Variants in CLK1 observed in about 807,000 individuals in gnomAD.
The protein encoded by CLK1 is CDC like kinase 1, also known as dual specificity protein kinase CLK1.
Under a neutral mutation model 60.9 loss-of-function variants are expected in CLK1, and 40 were observed. The ratio of observed to expected loss-of-function variants is 0.66; its 90% confidence interval spans 0.51 to 0.86. The LOEUF (loss-of-function observed/expected upper bound fraction) is 0.86. CLK1 is among the 40% of genes least tolerant of loss of function. The probability of loss-of-function intolerance (pLI) is 0.00; values close to 1 mark genes in which losing one functional copy is unlikely to be tolerated. For missense variants in CLK1, 563 were observed against 606.1 expected (o/e 0.93, Z 0.75); for synonymous variants, 203 against 184.4 (o/e 1.10, Z -0.82).
intron 12 of CLK1, among the ~76,000 whole-genome samples, chr2:200,853,684 A>G (rs1413737222): frequency 2.4e-5 from 3 of 127,458 alleles, no homozygotes; most frequent in Admixed American, 7.6e-5. Flanking sequence ...TACTTGAAAA[A>G]AAAAAAAAAA....
chr2:200,862,336 T>C (rs1020509123), intron 1 of CLK1, among the ~76,000 whole-genome samples: 4 of 152,158 alleles, frequency 2.6e-5, no homozygotes, highest in South Asian at 2.1e-4. Context: ...CTGATGACAT[T>C]CCACCATTGT....
At chr2:200,858,704 A>C (rs1471267147) in intron 5 of CLK1, among the ~76,000 whole-genome samples, 1 of 151,908 alleles carries the variant, frequency 6.6e-6, no homozygotes, top group Non-Finnish European at 1.5e-5. Flanking sequence ...CTCAGGGAAA[A>C]GAAAAATAAA....
rs1049516732 is a variant in CLK1 at position 200,864,604 on chromosome 2, G to C, written c.-41C>G. The C allele has an allele frequency of 2.1e-5, 4 of 194,960 alleles. No homozygotes were observed. Among genetic ancestry groups the C allele is most frequent in the African/African-American group, 4.7e-5 (2 of 43,010 alleles). 12.1% of individuals were successfully genotyped at this position (194,960 alleles called of 1,614,324 possible). On this transcript the variant is annotated 5_prime_UTR_variant, in exon 1 of 13. Coordinates refer to ENST00000321356, the MANE Select transcript of CLK1 (RefSeq NM_004071.4). ...CTCCAAGTCGAAGGAGACAAAGCTT[G>C]TAACGCAATCACGGGAATCACGCAG...
rs1009416076 is a variant in CLK1 at position 200,861,268 on chromosome 2, G to C, written c.360C>G (p.His120Gln). 1.2e-6 allele frequency: 2 copies of C among 1,614,130 alleles called. No individual in the cohort carries two copies. Among genetic ancestry groups the C allele is most frequent in the Admixed American group, 1.7e-5 (1 of 60,012 alleles). The change falls in exon 3 of 13, where the codon CAC becomes CAG. Residue 120 changes from histidine to glutamine, a missense_variant. Physicochemically the swap from His to Gln is conservative, Grantham distance 24. Transcript: ENST00000321356. ...RSSYKSKHRIHHSTSHRRSHG... is the reference protein window; with the variant it reads ...RSSYKSKHRIQHSTSHRRSHG... ...GTGAACGACGATGTGAAGTACTGTGGTGAATCCTGTGTTTGCTTTTATAAC... is the reference window on the plus strand; with the variant it reads ...GTGAACGACGATGTGAAGTACTGTGCTGAATCCTGTGTTTGCTTTTATAAC...
At chr2:200,858,800 G>A (rs2039085620) in intron 5 of CLK1, among the ~76,000 whole-genome samples, 2 of 141,756 alleles carry the variant, frequency 1.4e-5, no homozygotes, top group African/African-American at 5.4e-5. Flanking sequence ...GGAAGAGGAA[G>A]AACAATAACA....
Position 200,864,467 on chromosome 2 carries a change from C to T in CLK1, c.-1+97G>A, listed in dbSNP as rs1293842801. The T allele has an allele frequency of 8.1e-6, 4 of 496,276 alleles. 1 individual carries two copies. Among genetic ancestry groups the T allele is most frequent in the Non-Finnish European group, 3.4e-6 (1 of 290,520 alleles). 30.7% of individuals were successfully genotyped at this position (496,276 alleles called of 1,614,324 possible). ...CAGGCAGTCGTCGCGCCGGGGACGG[C>T]GGGCAGCAAACAAGCAGGAAAAGGG... On this transcript the variant is annotated intron_variant, in intron 1 of 12. Transcript: ENST00000321356.
At chr2:200,859,773 A>G (rs1018309982) in intron 4 of CLK1, 27 bp from the exon 5 acceptor site, 3 of 1,610,574 alleles carry the variant, frequency 1.9e-6, no homozygotes, top group Non-Finnish European at 1.7e-6. Flanking sequence ...AATCTCAGTC[A>G]TATCAAGAAG....
In CLK1 at chr2:200,856,704, A is replaced by G. The variant is rs1385795820; in HGVS notation, c.1035T>C (p.Tyr345=). Residue 345 remains tyrosine, a synonymous_variant, in exon 9 of 13, where the codon TAT becomes TAC. Transcript: ENST00000321356. ...CACCTAAAATAACTTCAGGTGCTCT[A>G]TAATGTCTTGTAGATACCAATGTAC... is the stretch of plus-strand genomic sequence containing the variant. ...HHSTLVSTRH[Y]RAPEVILALG... The G allele has an allele frequency of 1.2e-6, 2 of 1,602,780 alleles. No homozygotes were observed. The highest frequency in any genetic ancestry group is 1.7e-6 in the Non-Finnish European group (2 of 1,175,230).
At chr2:200,858,417 G>A (rs79751905) in intron 5 of CLK1, among the ~76,000 whole-genome samples, 1,741 of 152,208 alleles carry the variant, frequency 0.011, 15 homozygotes, top group Non-Finnish European at 0.017. Context: ...CTCTAGGACC[G>A]GGAGCAGTGG....
rs2039072594 is a variant in CLK1, at chr2:200,858,063, A to G, written c.575T>C (p.Ile192Thr). ...ACAGTATCTATCCACATTTTTAACT[A>G]TTTTTACTGCTACATGTCTACCTCC... ...KAGGRHVAVKIVKNVDRYCEA... is the reference protein window; with the variant it reads ...KAGGRHVAVKTVKNVDRYCEA... Residue 192 changes from isoleucine to threonine, a missense_variant, in exon 6 of 13, where the codon ATA becomes ACA. Ile to Thr is a moderately conservative substitution (Grantham distance 89). Coordinates refer to ENST00000321356, the MANE Select transcript of CLK1 (RefSeq NM_004071.4). The G allele has an allele frequency of 1.9e-6, 3 of 1,613,142 alleles. No homozygotes were observed. Among genetic ancestry groups the G allele is most frequent in the Middle Eastern group, 1.6e-4 (1 of 6,062 alleles).
At chr2:200,857,403 T>C (rs2039061584) in intron 7 of CLK1, 1 of 270,196 alleles carries the variant, frequency 3.7e-6, no homozygotes, top group African/African-American at 2.2e-5. Flanking sequence ...TAAAACTTAC[T>C]ACCTCTTATG....
intron 5 of CLK1, 49 bp from the exon 6 acceptor site, chr2:200,858,138 A>G (rs2105738004): frequency 8.6e-7 from 1 of 1,162,822 alleles, no homozygotes; most frequent in Non-Finnish European, 1.3e-6. Context: ...ATGATGCTCA[A>G]TTCCAGGTAT....
At chr2:200,861,113 T>C in intron 3 of CLK1, 125 bp downstream of exon 3, 2 of 1,478,370 alleles carry the variant, frequency 1.4e-6, no homozygotes, top group East Asian at 4.7e-5. Context: ...ACAGAAAAAA[T>C]CCTGCAGGTT....
chr2:200,856,731 G>A lies in CLK1; in HGVS notation c.1008C>T (p.His336=), dbSNP rs200971045. 2 of 1,612,838 alleles carry A rather than the reference G, an allele frequency of 1.2e-6. No homozygotes were observed. The highest frequency in any genetic ancestry group is 4.5e-5 in the East Asian group (2 of 44,846). ...FGSATYDDEH[H]STLVSTRHYR... is the part of the protein sequence containing the mutation. ...AATGTCTTGTAGATACCAATGTACT[G>A]TGATGTTCGTCATCATATGTTGCAC... Residue 336 remains histidine, a synonymous_variant, in exon 9 of 13, where the codon CAC becomes CAT. Coordinates refer to ENST00000321356, the MANE Select transcript of CLK1 (RefSeq NM_004071.4).
At position 200,856,703 on chromosome 2, in the gene CLK1, TATA is replaced by T; in HGVS notation, c.1033_1035del (p.Tyr345del). ...TCACCTAAAATAACTTCAGGTGCTC[TATA>T]ATGTCTTGTAGATACCAATGTACTG... On this transcript the variant is annotated inframe_deletion, in exon 9 of 13. Coordinates refer to ENST00000321356, the MANE Select transcript of CLK1 (RefSeq NM_004071.4). 1.2e-6 allele frequency: 2 copies of T among 1,600,180 alleles called. No homozygotes were observed. Among genetic ancestry groups the T allele is most frequent in the Non-Finnish European group, 1.7e-6 (2 of 1,174,166 alleles).
At chr2:200,858,404 G>A (rs1354081348) in intron 5 of CLK1, among the ~76,000 whole-genome samples, 1 of 152,156 alleles carries the variant, frequency 6.6e-6, no homozygotes, top group African/African-American at 2.4e-5. Flanking sequence ...AAAGAGTAAA[G>A]AGCTCTAGGA....
intron 2 of CLK1, 105 bp downstream of exon 2, chr2:200,861,597 C>G (rs2039139636): frequency 6.4e-7 from 1 of 1,558,046 alleles, no homozygotes; most frequent in African/African-American, 1.4e-5. Flanking sequence ...CAAAATCTCT[C>G]ATTGGAAACA....
rs556233757 is a variant in CLK1 at position 200,863,811 on chromosome 2, G to T, written c.-1+753C>A. On this transcript the variant is annotated intron_variant, in intron 1 of 12. Coordinates refer to ENST00000321356, the MANE Select transcript of CLK1 (RefSeq NM_004071.4). ...GGAGGCTGCAGTGACTCGAGATCGC[G>T]CCACTACACTCTAGCCTGGGCGACA... is the stretch of plus-strand genomic sequence containing the variant. Among the ~76,000 whole-genome samples, 439 of 152,084 alleles carry T rather than the reference G, an allele frequency of 2.9e-3. 3 individuals are homozygous for T. The highest frequency in any genetic ancestry group is 0.01 in the African/African-American group (429 of 41,488).
At chr2:200,854,337 C>G (rs2039003591) in intron 11 of CLK1, among the ~76,000 whole-genome samples, 1 of 151,918 alleles carries the variant, frequency 6.6e-6, no homozygotes, top group African/African-American at 2.4e-5. Flanking sequence ...AGATCGAGAC[C>G]ATCCTGGCTA....
Sources: gnomAD v4.1 joint callset for allele counts (sites outside exome capture counted in the v4.1 genomes callset) on GRCh38, gnomAD v4.1.1 for gene constraint, MANE v1.5 for transcripts, NCBI Gene and HGNC (gene_info 2026-07-23, HGNC 2026-07-21) for gene names.